The following OSBPL10 variants were observed in gnomAD, a reference collection of about 807,000 sequenced individuals.
OSBPL10 encodes the protein oxysterol binding protein like 10.
A neutral mutation model predicts 81.7 loss-of-function variants in OSBPL10; 49 were observed. The observed-to-expected ratio is 0.60, with a 90% CI of 0.48 to 0.76. OSBPL10 has a LOEUF of 0.76. Among genes scored for constraint, OSBPL10 ranks in the 30% least tolerant of loss-of-function variants. The probability of loss-of-function intolerance (pLI) is 0.00; values close to 1 mark genes in which losing one functional copy is unlikely to be tolerated. For missense variants in OSBPL10, 923 were observed against 987.8 expected (o/e 0.93, Z 0.88); for synonymous variants, 419 against 383.6 (o/e 1.09, Z -1.08).
chr3:32,019,673 A>T (rs914650139), intron 2 of OSBPL10, among the ~76,000 whole-genome samples: 13 of 152,194 alleles, frequency 8.5e-5, no homozygotes, highest in Admixed American at 3.3e-4. Flanking sequence ...CTAAAAATGA[A>T]TTTTTTTAAA....
At chr3:31,990,166 A>G in intron 2 of OSBPL10, 1 of 1,611,728 alleles carries the variant, frequency 6.2e-7, no homozygotes, top group Non-Finnish European at 8.5e-7. Context: ...ACACACTAGA[A>G]TTCACACTGG....
chr3:31,770,210 T>C lies in OSBPL10; in HGVS notation c.730-22090A>G, dbSNP rs190085111. On this transcript the variant is annotated intron_variant, in intron 4 of 11. Coordinates refer to ENST00000396556, the MANE Select transcript of OSBPL10 (RefSeq NM_017784.5). ...TGTCCTGAGAGGCTAATGTTCAGGT[T>C]TAAACTGAATTTTAAAATGCCTATT... 3.3e-5 allele frequency among the ~76,000 whole-genome samples: 5 copies of C among 152,284 alleles called. No individual in the cohort carries two copies. In the East Asian group the frequency reaches 5.8e-4, roughly 18 times the overall value.
chr3:31,853,471 T>C (rs180887375), intron 3 of OSBPL10, among the ~76,000 whole-genome samples: 1 of 151,630 alleles, frequency 6.6e-6, no homozygotes, highest in Admixed American at 6.6e-5. Flanking sequence ...CAGGCAAGAG[T>C]GGTAGGGAAG....
chr3:31,996,492 A>T, intron 2 of OSBPL10, among the ~76,000 whole-genome samples: 1 of 129,824 alleles, frequency 7.7e-6, no homozygotes, highest in East Asian at 2.1e-4. Flanking sequence ...TTAAATATAA[A>T]TTGCCAGGGG....
intron 4 of OSBPL10, among the ~76,000 whole-genome samples, chr3:31,752,276 A>T (rs1450560403): frequency 1.3e-5 from 2 of 152,212 alleles, no homozygotes; most frequent in Admixed American, 1.3e-4. Context: ...GCACACCAAC[A>T]TTAATCATCC....
chr3:31,958,346 A>G (rs1246489418), intron 1 of OSBPL10, among the ~76,000 whole-genome samples: 1 of 152,218 alleles, frequency 6.6e-6, no homozygotes, highest in Non-Finnish European at 1.5e-5. Context: ...TTAGTCCTTA[A>G]AAATATCTTC....
chr3:31,777,106 G>A (rs1340937194), intron 4 of OSBPL10, among the ~76,000 whole-genome samples: 1 of 152,102 alleles, frequency 6.6e-6, no homozygotes, highest in Non-Finnish European at 1.5e-5. Context: ...TTTGCAACTA[G>A]GTTTTCTAAA....
intron 2 of OSBPL10, chr3:31,989,642 C>G: frequency 1.9e-6 from 3 of 1,614,184 alleles, no homozygotes; most frequent in Non-Finnish European, 2.5e-6. Context: ...GATGCTTCCT[C>G]AGTTCTAACG....
intron 2 of OSBPL10, among the ~76,000 whole-genome samples, chr3:32,002,875 C>T (rs1011616189): frequency 6.9e-6 from 1 of 144,412 alleles, no homozygotes; most frequent in African/African-American, 2.5e-5. Flanking sequence ...TTTTAACAGT[C>T]CAAGCTAATT....
At chr3:31,688,866 T>A (rs1438978450) in intron 7 of OSBPL10, among the ~76,000 whole-genome samples, 1 of 152,158 alleles carries the variant, frequency 6.6e-6, no homozygotes, top group East Asian at 1.9e-4. Context: ...GTCTAATGAA[T>A]GAGTAGACTC....
At chr3:31,696,532 T>G (rs1407358679) in intron 7 of OSBPL10, among the ~76,000 whole-genome samples, 1 of 152,266 alleles carries the variant, frequency 6.6e-6, no homozygotes. Context: ...TCTTGACCCA[T>G]CAGCAGCAAT....
intron 5 of OSBPL10, among the ~76,000 whole-genome samples, chr3:31,735,426 A>G (rs1357773224): frequency 6.6e-6 from 1 of 152,208 alleles, no homozygotes; most frequent in Non-Finnish European, 1.5e-5. Flanking sequence ...GGTGACAATG[A>G]AAGACCCTGT....
intron 4 of OSBPL10, among the ~76,000 whole-genome samples, chr3:31,774,545 C>T (rs1256834711): frequency 4.6e-5 from 7 of 151,394 alleles, no homozygotes; most frequent in African/African-American, 1.5e-4. Flanking sequence ...GACAGTCTTG[C>T]TCTGTAGCCC....
intron 2 of OSBPL10, among the ~76,000 whole-genome samples, chr3:32,029,494 A>G (rs1286856705): frequency 2.0e-5 from 3 of 152,090 alleles, no homozygotes; most frequent in African/African-American, 7.2e-5. Flanking sequence ...CTTTCTTCTG[A>G]GGAGGCAAGA....
rs376714860 is a variant in OSBPL10, at chr3:32,045,039, T to C, written n.298+1452A>G. Among the ~76,000 whole-genome samples, 17 of 152,338 alleles carry C rather than the reference T, an allele frequency of 1.1e-4. No homozygotes were observed. In the East Asian group the frequency reaches 2.1e-3, roughly 19 times the overall value. On this transcript the variant is annotated intron_variant and non_coding_transcript_variant, in intron 2 of 3. Coordinates refer to the OSBPL10 transcript ENST00000479173. ...AAATTAATTTGCAGTGTGAGATAAC[T>C]TACAGCATTTAATTTTGCTTAACCC... is the stretch of plus-strand genomic sequence containing the variant.
At chr3:31,771,775 G>A (rs1698385319) in intron 4 of OSBPL10, among the ~76,000 whole-genome samples, 2 of 152,128 alleles carry the variant, frequency 1.3e-5, no homozygotes, top group African/African-American at 4.8e-5. Context: ...TATACGCTCT[G>A]GAAAACTTCG....
At chr3:31,937,555 T>A (rs1697411722) in intron 1 of OSBPL10, among the ~76,000 whole-genome samples, 1 of 152,018 alleles carries the variant, frequency 6.6e-6, no homozygotes. Flanking sequence ...CTCACCCCCA[T>A]CATGCCTTTC....
intron 4 of OSBPL10, among the ~76,000 whole-genome samples, chr3:31,782,610 C>G (rs1327351582): frequency 6.6e-6 from 1 of 152,070 alleles, no homozygotes; most frequent in African/African-American, 2.4e-5. Flanking sequence ...AACAAATAAT[C>G]CCATCAAAAA....
chr3:31,811,136 G>T (rs563753749), intron 4 of OSBPL10, among the ~76,000 whole-genome samples: 22 of 152,086 alleles, frequency 1.4e-4, no homozygotes, highest in Non-Finnish European at 3.1e-4. Context: ...TCCCCAGAAA[G>T]GGGCTCAGAT....
Sources: gnomAD v4.1 joint callset for allele counts (sites outside exome capture counted in the v4.1 genomes callset) on GRCh38, gnomAD v4.1.1 for gene constraint, MANE v1.5 for transcripts, NCBI Gene and HGNC (gene_info 2026-07-23, HGNC 2026-07-21) for gene names.